The following ANK3 variants were observed in gnomAD, a reference collection of about 807,000 sequenced individuals.
ANK3 encodes ankyrin 3.
In ANK3, 57 loss-of-function variants were observed where a neutral mutation model predicts 370.9. The ratio of observed to expected loss-of-function variants is 0.15; its 90% CI spans 0.12 to 0.19. The LOEUF (loss-of-function observed/expected upper bound fraction) is 0.19, where lower values mean the gene tolerates loss of function less well. Among genes scored for constraint, ANK3 ranks in the 10% least tolerant of loss-of-function variants. ANK3 has a pLI of 1.00. For missense variants in ANK3, 4,439 were observed against 5,302.1 expected (o/e 0.84, Z 5.06); for synonymous variants, 1,929 against 1,946.3 (o/e 0.99, Z 0.23).
At chr10:60,206,776 T>A (rs935941832) in intron 10 of ANK3, among the ~76,000 whole-genome samples, 5 of 152,246 alleles carry the variant, frequency 3.3e-5, no homozygotes, top group African/African-American at 1.2e-4. Context: ...ATGTCCTAAG[T>A]TGTCCTGCCT....
At chr10:60,295,251 A>G (rs2042256209) in intron 1 of ANK3, among the ~76,000 whole-genome samples, 1 of 152,158 alleles carries the variant, frequency 6.6e-6, no homozygotes, top group Non-Finnish European at 1.5e-5. Flanking sequence ...TCACAACCTG[A>G]CTCTGCAATT....
intron 2 of ANK3, among the ~76,000 whole-genome samples, chr10:60,467,445 T>C (rs1350027845): frequency 6.6e-6 from 1 of 151,998 alleles, no homozygotes; most frequent in Non-Finnish European, 1.5e-5. Context: ...ATGTGGGAGG[T>C]ATCAGATTTT....
chr10:60,451,470 C>G (rs920957042), intron 2 of ANK3, among the ~76,000 whole-genome samples: 6 of 152,156 alleles, frequency 3.9e-5, no homozygotes. Flanking sequence ...TAGTGCTCAG[C>G]TTATTTCACA....
chr10:60,540,159 T>C (rs1015580081), intron 2 of ANK3, among the ~76,000 whole-genome samples: 14 of 151,830 alleles, frequency 9.2e-5, no homozygotes, highest in African/African-American at 2.9e-4. Flanking sequence ...CCCTAGGAAA[T>C]CTGGAACCAC....
At chr10:60,495,310 G>A (rs1333958313) in intron 2 of ANK3, among the ~76,000 whole-genome samples, 1 of 152,174 alleles carries the variant, frequency 6.6e-6, no homozygotes, top group African/African-American at 2.4e-5. Context: ...ATGTGGTCCA[G>A]GGATGAGCAG....
chr10:60,231,729 A>G (rs1228401063), intron 8 of ANK3, among the ~76,000 whole-genome samples: 1 of 152,218 alleles, frequency 6.6e-6, no homozygotes, highest in Non-Finnish European at 1.5e-5. Context: ...GGTATATACT[A>G]TAATTTCTCC....
At chr10:60,587,044 G>C (rs960357383) in intron 2 of ANK3, among the ~76,000 whole-genome samples, 6 of 152,180 alleles carry the variant, frequency 3.9e-5, no homozygotes, top group Admixed American at 3.9e-4. Flanking sequence ...AGTTCTGCAT[G>C]GCTGGGGAGG....
intron 1 of ANK3, among the ~76,000 whole-genome samples, chr10:60,641,440 T>C (rs1490127181): frequency 6.6e-6 from 1 of 151,326 alleles, no homozygotes; most frequent in Non-Finnish European, 1.5e-5. Flanking sequence ...GAGATATAGA[T>C]CAATGGAACA....
intron 2 of ANK3, among the ~76,000 whole-genome samples, chr10:60,427,546 A>G (rs1188695148): frequency 2.0e-5 from 3 of 152,040 alleles, no homozygotes; most frequent in African/African-American, 7.2e-5. Flanking sequence ...AAACCTCAGG[A>G]GTTCAAACTT....
At chr10:60,603,231 G>C (rs1266446772) in intron 2 of ANK3, among the ~76,000 whole-genome samples, 2 of 152,138 alleles carry the variant, frequency 1.3e-5, no homozygotes, top group African/African-American at 4.8e-5. Context: ...ACAGCCATTA[G>C]TGCACTGACA....
intron 2 of ANK3, among the ~76,000 whole-genome samples, chr10:60,610,428 G>A (rs969446995): frequency 6.6e-6 from 1 of 151,674 alleles, no homozygotes; most frequent in East Asian, 1.9e-4. Context: ...CAGGAGAATC[G>A]CTTGAACCTG....
chr10:60,194,167 G>A (rs945396497), intron 16 of ANK3, among the ~76,000 whole-genome samples: 1 of 152,078 alleles, frequency 6.6e-6, no homozygotes. Context: ...TAGCCCAAAA[G>A]CACAGAGGTA....
chr10:60,615,970 G>T (rs2078262577), intron 1 of ANK3, among the ~76,000 whole-genome samples: 1 of 152,022 alleles, frequency 6.6e-6, no homozygotes, highest in Admixed American at 6.6e-5. Context: ...ATTCCAACTG[G>T]TACTGAAGTT....
At chr10:60,686,636 A>G (rs1456332877) in intron 1 of ANK3, among the ~76,000 whole-genome samples, 1 of 152,156 alleles carries the variant, frequency 6.6e-6, no homozygotes, top group Non-Finnish European at 1.5e-5. Flanking sequence ...TGTAGGTATT[A>G]TTACATTTTT....
At chr10:60,259,012 T>A (rs2097771177) in intron 7 of ANK3, among the ~76,000 whole-genome samples, 1 of 152,230 alleles carries the variant, frequency 6.6e-6, no homozygotes, top group Non-Finnish European at 1.5e-5. Context: ...TCTGACTGGA[T>A]ACAATTTGAT....
chr10:60,389,401 A>T (rs1300162123), intron 1 of ANK3, 24 bp downstream of exon 1: 1 of 1,603,172 alleles, frequency 6.2e-7, no homozygotes, highest in African/African-American at 1.3e-5. Context: ...CAGGCAAGAT[A>T]TATGCTCTGG....
chr10:60,278,261 C>T (rs568285302), intron 4 of ANK3, among the ~76,000 whole-genome samples: 1 of 152,194 alleles, frequency 6.6e-6, no homozygotes, highest in African/African-American at 2.4e-5. Flanking sequence ...TTACAGATAC[C>T]CTTTAAACAT....
rs143009194 is a variant in ANK3, at chr10:60,070,151, G to A, written c.10730C>T (p.Ala3577Val). Residue 3577 changes from alanine to valine, a missense_variant, in exon 37 of 44, where the codon GCA (alanine) becomes GTA (valine). Around this residue, in one of 13 missense-constraint regions of ANK3, gnomAD observed 1,601 missense variants for 1,731.7 expected, o/e 0.92. Transcript: ENST00000280772. This position sits in a 1 kb window ranked among gnomAD's most constrained non-coding sequence, Gnocchi z 5.7. ...GGCTGGCGTTGTATCAGGGGTTGTT[G>A]CTGGAGAGCGGTCTTCTACCGCCAG... The part of the protein sequence containing the change: ...FGLAVEDRSP[A>V]TTPDTTPART... 75 of 1,614,052 alleles carry A rather than the reference G, an allele frequency of 4.6e-5. No individual in the cohort carries two copies. The highest frequency in any genetic ancestry group is 6.0e-5 in the Non-Finnish European group (71 of 1,180,022).
chr10:60,650,686 T>C (rs1292842571), intron 1 of ANK3, among the ~76,000 whole-genome samples: 2 of 152,228 alleles, frequency 1.3e-5, no homozygotes, highest in African/African-American at 4.8e-5. Context: ...AATCTAATAA[T>C]GGACCCCAGG....
Sources: gnomAD v4.1 joint callset for allele counts (sites outside exome capture counted in the v4.1 genomes callset) on GRCh38, gnomAD v4.1.1 for gene constraint, gnomAD v4.1.1 regional missense constraint, Gnocchi (gnomAD v3.1) non-coding constraint, MANE v1.5 for transcripts, NCBI Gene and HGNC (gene_info 2026-07-23, HGNC 2026-07-21) for gene names.